NR3C1: variants seen among roughly 807,000 people sequenced by gnomAD.
The protein encoded by NR3C1 is nuclear receptor subfamily 3 group C member 1, also known as glucocorticoid receptor.
A neutral mutation model predicts 74.0 loss-of-function variants in NR3C1; 14 were observed. The observed-to-expected ratio is 0.19, with a 90% confidence interval of 0.12 to 0.30. NR3C1 has a LOEUF of 0.30. Ranked by LOEUF, NR3C1 falls within the 10% of genes least tolerant of loss-of-function variation. The probability of loss-of-function intolerance (pLI) is 1.00; values close to 1 mark genes in which losing one functional copy is unlikely to be tolerated. For missense variants in NR3C1, 695 were observed against 909.8 expected (o/e 0.76, Z 3.04); for synonymous variants, 308 against 332.5 (o/e 0.93, Z 0.80).
intron 2 of NR3C1, among the ~76,000 whole-genome samples, chr5:143,390,851 G>A (rs1219550753): frequency 6.6e-6 from 1 of 152,032 alleles, no homozygotes; most frequent in Non-Finnish European, 1.5e-5. Flanking sequence ...ATATGATTTG[G>A]AGTCACACAA....
chr5:143,412,665 C>T (rs1841332577), intron 1 of NR3C1, among the ~76,000 whole-genome samples: 1 of 152,128 alleles, frequency 6.6e-6, no homozygotes, highest in South Asian at 2.1e-4. Context: ...AACCTACAAT[C>T]TATATTCCAC....
At chr5:143,370,154 GCTGCCCTGCAA>G (rs1833994358) in intron 2 of NR3C1, among the ~76,000 whole-genome samples, 1 of 152,090 alleles carries the variant, frequency 6.6e-6, no homozygotes, top group Admixed American at 6.5e-5. Context: ...CTTTGCCCAT[GCTGCCCTGCAA>G]AGATGGTTTC....
intron 2 of NR3C1, 78 bp from the exon 3 acceptor site, chr5:143,314,246 C>T: frequency 6.8e-7 from 1 of 1,464,114 alleles, no homozygotes; most frequent in South Asian, 1.2e-5. Flanking sequence ...CTTCTCACTT[C>T]ATAGTCAGAA....
chr5:143,392,017 G>T (rs904199571), intron 2 of NR3C1, among the ~76,000 whole-genome samples: 3 of 151,474 alleles, frequency 2.0e-5, no homozygotes, highest in Non-Finnish European at 4.4e-5. Context: ...CCAGGCTGGA[G>T]TGCAGTGGTG....
chr5:143,373,124 C>T (rs1015113009), intron 2 of NR3C1, among the ~76,000 whole-genome samples: 2 of 152,150 alleles, frequency 1.3e-5, no homozygotes, highest in African/African-American at 4.8e-5. Flanking sequence ...GATGAGAACA[C>T]TTCTAACGCT....
intron 2 of NR3C1, among the ~76,000 whole-genome samples, chr5:143,393,300 T>A (rs1019075008): frequency 6.6e-6 from 1 of 152,198 alleles, no homozygotes; most frequent in Non-Finnish European, 1.5e-5. Context: ...CCTACCCTAA[T>A]TACTTCCCTC....
chr5:143,358,649 C>G (rs1831614121), intron 2 of NR3C1, among the ~76,000 whole-genome samples: 2 of 152,278 alleles, frequency 1.3e-5, no homozygotes, highest in South Asian at 4.1e-4. Flanking sequence ...CGCCTGTAAT[C>G]CCAGCACTTT....
chr5:143,405,879 A>T (rs1436931708), upstream of NR3C1, among the ~76,000 whole-genome samples: 1 of 151,916 alleles, frequency 6.6e-6, no homozygotes, highest in Admixed American at 6.6e-5. Context: ...ACACTGCTTG[A>T]CCTAGTTGCC....
chr5:143,303,021 T>C (rs926465902), intron 4 of NR3C1, among the ~76,000 whole-genome samples: 2 of 151,908 alleles, frequency 1.3e-5, no homozygotes, highest in African/African-American at 4.8e-5. Flanking sequence ...ATAAACAAGA[T>C]TGATAGACCA....
chr5:143,278,021 G>A lies in NR3C1; in HGVS notation c.*3868C>T, dbSNP rs941331534. 3.3e-5 allele frequency: 5 copies of A among 152,260 alleles called. No individual in the cohort carries two copies. In the East Asian group the frequency reaches 9.6e-4, roughly 29 times the overall value. 9.4% of individuals were successfully genotyped at this position (152,260 alleles called of 1,614,324 possible). On this transcript the variant is annotated 3_prime_UTR_variant, in exon 9 of 9. Transcript: ENST00000394464. ...CATTTACTGCCAATTCGGTACAAAT[G>A]TGTGGTTTGGTAATACCAGAACAGC... is the stretch of plus-strand genomic sequence containing the variant.
At chr5:143,307,294 T>C (rs1819842787) in intron 4 of NR3C1, among the ~76,000 whole-genome samples, 1 of 152,156 alleles carries the variant, frequency 6.6e-6, no homozygotes, top group African/African-American at 2.4e-5. Flanking sequence ...AAAAATCAGA[T>C]GTCAGTCACT....
At chr5:143,432,715 T>C (rs1244810645) in intron 1 of NR3C1, among the ~76,000 whole-genome samples, 18 of 152,216 alleles carry the variant, frequency 1.2e-4, no homozygotes, top group Admixed American at 1.2e-3. Flanking sequence ...GGCTACTTGT[T>C]ACAGCTATTT....
intron 2 of NR3C1, among the ~76,000 whole-genome samples, chr5:143,353,707 A>T (rs955290806): frequency 6.6e-6 from 1 of 152,162 alleles, no homozygotes; most frequent in East Asian, 1.9e-4. Flanking sequence ...CTATAAACAG[A>T]TGTGCTGTCA....
At position 143,399,775 on chromosome 5, in the gene NR3C1, T is replaced by C. The variant is rs13306589; in HGVS notation, c.1065A>G (p.Pro355=). The change falls in exon 2 of 9, where the codon CCA becomes CCG. Residue 355 remains proline, a synonymous_variant. Transcript: ENST00000394464. ...AATTTTCGGAACCAACGGGAATTGG[T>C]GGAATGACATTAAAAATAGGCTTCT... ...QDQKPIFNVI[P]PIPVGSENWN... is the part of the protein sequence containing the mutation. 6.3e-5 allele frequency: 102 copies of C among 1,614,126 alleles called. No individual in the cohort carries two copies. The East Asian group carries it at 2.2e-3, about 35-fold the overall frequency.
At chr5:143,404,468 A>T (rs1840936116), upstream of NR3C1, 4 of 984,934 alleles carry the variant, frequency 4.1e-6, no homozygotes, top group Admixed American at 1.8e-4. Flanking sequence ...GCGCTCTCGC[A>T]CTGGGAGAGA....
intron 2 of NR3C1, among the ~76,000 whole-genome samples, chr5:143,334,369 A>G (rs1406224999): frequency 6.6e-6 from 1 of 152,128 alleles, no homozygotes; most frequent in Admixed American, 6.5e-5. Flanking sequence ...GCAACAAGCG[A>G]AACTCTGTCT....
chr5:143,402,702 T>C, intron 1 of NR3C1: 1 of 985,100 alleles, frequency 1.0e-6, no homozygotes, highest in Non-Finnish European at 1.2e-6. Context: ...GTGTGCACCC[T>C]CACGCGCCCC....
At chr5:143,383,279 TC>T (rs1474094527) in intron 2 of NR3C1, among the ~76,000 whole-genome samples, 1 of 152,210 alleles carries the variant, frequency 6.6e-6, no homozygotes, top group African/African-American at 2.4e-5. Flanking sequence ...TTCTTACAGT[TC>T]CAGTTTTCCC....
chr5:143,327,940 C>T (rs1825006094), intron 2 of NR3C1, among the ~76,000 whole-genome samples: 2 of 152,368 alleles, frequency 1.3e-5, no homozygotes, highest in African/African-American at 4.8e-5. Context: ...CCTCTTCTCA[C>T]AGCTCCACTA....
Sources: allele counts gnomAD v4.1 joint callset (sites outside exome capture counted in the v4.1 genomes callset), GRCh38; gene constraint gnomAD v4.1.1; transcripts MANE v1.5; gene names NCBI Gene and HGNC (gene_info 2026-07-23, HGNC 2026-07-21).